The following TTC28 variants were observed in gnomAD, a reference collection of about 807,000 sequenced individuals.
The protein encoded by TTC28 is tetratricopeptide repeat domain 28.
A neutral mutation model predicts 198.0 loss-of-function variants in TTC28; 61 were observed. The ratio of observed to expected loss-of-function variants is 0.31; its 90% CI spans 0.25 to 0.38. The LOEUF is 0.38. TTC28 is among the 10% of genes least tolerant of loss of function. The probability of loss-of-function intolerance (pLI) is 1.00; values close to 1 mark genes in which losing one functional copy is unlikely to be tolerated. For missense variants in TTC28, 2,678 were observed against 3,164.0 expected (o/e 0.85, Z 3.69); for synonymous variants, 1,171 against 1,297.8 (o/e 0.90, Z 2.10).
intron 2 of TTC28, among the ~76,000 whole-genome samples, chr22:28,318,079 T>C (rs1174720000): frequency 3.3e-5 from 5 of 150,962 alleles, no homozygotes; most frequent in African/African-American, 1.2e-4. Context: ...ATTAATTTTT[T>C]TTTTTTTTTT....
intron 2 of TTC28, among the ~76,000 whole-genome samples, chr22:28,482,243 T>A (rs1488060422): frequency 3.3e-5 from 4 of 119,832 alleles, no homozygotes; most frequent in Non-Finnish European, 6.5e-5. Context: ...TGAGACGGAG[T>A]CTCTCTCTCC....
intron 2 of TTC28, among the ~76,000 whole-genome samples, chr22:28,439,801 A>G (rs1418101947): frequency 6.6e-6 from 1 of 152,106 alleles, no homozygotes; most frequent in East Asian, 1.9e-4. Flanking sequence ...TTTTATTTTA[A>G]ACTTTTCTGT....
At chr22:28,076,487 A>T (rs1328353826) in intron 12 of TTC28, among the ~76,000 whole-genome samples, 1 of 152,144 alleles carries the variant, frequency 6.6e-6, no homozygotes, top group Non-Finnish European at 1.5e-5. Context: ...GGGGGGTAAA[A>T]GGGAATCTCT....
chr22:28,645,488 G>T (rs1276363387), intron 1 of TTC28, among the ~76,000 whole-genome samples: 1 of 151,912 alleles, frequency 6.6e-6, no homozygotes, highest in African/African-American at 2.4e-5. Context: ...TTAGCCGGGC[G>T]TGGTGGCATG....
chr22:28,013,654 G>A (rs1938242482), intron 14 of TTC28, among the ~76,000 whole-genome samples: 1 of 152,210 alleles, frequency 6.6e-6, no homozygotes, highest in East Asian at 1.9e-4. Context: ...AAGATTCTAG[G>A]ATGAGAGGTG....
At chr22:28,131,956 A>C (rs886375003) in intron 6 of TTC28, among the ~76,000 whole-genome samples, 1 of 152,216 alleles carries the variant, frequency 6.6e-6, no homozygotes. Context: ...ACCACTCATT[A>C]TTCAAAAGAT....
chr22:28,476,880 A>T (rs2146312465), intron 2 of TTC28, among the ~76,000 whole-genome samples: 1 of 152,370 alleles, frequency 6.6e-6, no homozygotes, highest in African/African-American at 2.4e-5. Context: ...AATTCAAATG[A>T]CCATCAACAG....
At chr22:28,625,960 T>C (rs976388627) in intron 2 of TTC28, among the ~76,000 whole-genome samples, 1 of 152,122 alleles carries the variant, frequency 6.6e-6, no homozygotes, top group Non-Finnish European at 1.5e-5. Flanking sequence ...TTAAAACAAA[T>C]GTTGCTGGAT....
At chr22:28,629,919 T>A in intron 1 of TTC28, 89 bp from the exon 2 acceptor site, 1 of 1,197,534 alleles carries the variant, frequency 8.4e-7, no homozygotes, top group Non-Finnish European at 1.2e-6. Flanking sequence ...TCCCCTCCAG[T>A]TGCACATTAA....
intron 5 of TTC28, among the ~76,000 whole-genome samples, chr22:28,263,940 C>T (rs1406533197): frequency 6.6e-6 from 1 of 152,036 alleles, no homozygotes; most frequent in Non-Finnish European, 1.5e-5. Flanking sequence ...AGATTTGATA[C>T]AGGAGGATGC....
At chr22:28,346,315 T>C (rs2145919438) in intron 2 of TTC28, among the ~76,000 whole-genome samples, 1 of 152,330 alleles carries the variant, frequency 6.6e-6, no homozygotes, top group Admixed American at 6.5e-5. Context: ...AAGTGTTGCA[T>C]TACTTTCATT....
intron 5 of TTC28, among the ~76,000 whole-genome samples, chr22:28,293,018 G>A (rs748096168): frequency 6.6e-6 from 1 of 152,098 alleles, no homozygotes; most frequent in South Asian, 2.1e-4. Context: ...GTACATTCCC[G>A]TAAGTTCTAA....
intron 2 of TTC28, among the ~76,000 whole-genome samples, chr22:28,509,147 C>T (rs1422170999): frequency 6.6e-6 from 1 of 150,618 alleles, no homozygotes; most frequent in African/African-American, 2.5e-5. Flanking sequence ...GCTGAGATTG[C>T]ACCACTGCAC....
chr22:28,624,547 G>C lies in TTC28; in HGVS notation c.381+5005C>G, dbSNP rs536138484. ...ACCAAAACTGATCTAAAAAGAATTAGAAAATTTGAATAGCCCTACATCAAT... is the reference window on the plus strand; with the variant it reads ...ACCAAAACTGATCTAAAAAGAATTACAAAATTTGAATAGCCCTACATCAAT... On this transcript the variant is annotated intron_variant, in intron 2 of 22. Coordinates refer to ENST00000397906, the MANE Select transcript of TTC28 (RefSeq NM_001145418.2). Among the ~76,000 whole-genome samples, 5 of 152,200 alleles carry C rather than the reference G, an allele frequency of 3.3e-5. No individual in the cohort carries two copies. In the East Asian group the frequency reaches 9.6e-4, roughly 29 times the overall value.
chr22:28,143,716 T>A (rs910752333), intron 6 of TTC28, among the ~76,000 whole-genome samples: 1 of 152,088 alleles, frequency 6.6e-6, no homozygotes, highest in Non-Finnish European at 1.5e-5. Flanking sequence ...ACAAACATAT[T>A]TAGAAGAAAA....
At chr22:28,549,263 A>G (rs2049609691) in intron 2 of TTC28, among the ~76,000 whole-genome samples, 1 of 152,118 alleles carries the variant, frequency 6.6e-6, no homozygotes, top group Admixed American at 6.6e-5. Context: ...TTCTGACCTC[A>G]GGTGATCTAC....
chr22:28,335,548 T>G (rs945668958), intron 2 of TTC28, among the ~76,000 whole-genome samples: 1 of 152,160 alleles, frequency 6.6e-6, no homozygotes, highest in Non-Finnish European at 1.5e-5. Context: ...TGAAGAGGTC[T>G]TTCATGTCCC....
intron 2 of TTC28, chr22:28,629,315 A>T (rs2051131416): frequency 4.2e-6 from 2 of 476,632 alleles, no homozygotes; most frequent in African/African-American, 2.0e-5. Context: ...ATAAAAAAAA[A>T]TTTAAATCTC....
intron 6 of TTC28, 70 bp downstream of exon 6, chr22:28,163,022 T>C (rs534920432): frequency 2.4e-4 from 348 of 1,438,852 alleles, no homozygotes; most frequent in Non-Finnish European, 3.1e-4. Flanking sequence ...CTATAAAAGA[T>C]AGTGATCTAC....
Sources: gnomAD v4.1 joint callset for allele counts (sites outside exome capture counted in the v4.1 genomes callset) on GRCh38, gnomAD v4.1.1 for gene constraint, MANE v1.5 for transcripts, NCBI Gene and HGNC (gene_info 2026-07-23, HGNC 2026-07-21) for gene names.